Variants in GRK5 observed in about 807,000 individuals in gnomAD.
GRK5 encodes the protein g protein-coupled receptor kinase GRK5.
A neutral mutation model predicts 78.4 loss-of-function variants in GRK5; 40 were observed. That is an observed-to-expected ratio of 0.51 (90% CI 0.40 to 0.66). GRK5 has a LOEUF of 0.66. GRK5 is among the 30% of genes least tolerant of loss of function. The pLI is 0.00. For missense variants in GRK5, 598 were observed against 759.9 expected (o/e 0.79, Z 2.50); for synonymous variants, 289 against 296.8 (o/e 0.97, Z 0.27).
intron 2 of GRK5, among the ~76,000 whole-genome samples, chr10:119,341,206 G>A (rs540001231): frequency 2.0e-5 from 3 of 152,178 alleles, no homozygotes; most frequent in South Asian, 2.1e-4. Context: ...CCCTCCAGGC[G>A]CACCTACTTC....
rs774410093 is a variant in GRK5 at position 119,458,380 on chromosome 10, G to A, written c.*3313G>A. 2.6e-5 allele frequency: 4 copies of A among 152,304 alleles called. No individual in the cohort carries two copies. The highest frequency in any genetic ancestry group is 3.8e-4 in the East Asian group (2 of 5,196). 9.4% of individuals were successfully genotyped at this position (152,304 alleles called of 1,614,324 possible). A position where few individuals can be genotyped will look rare whatever the true frequency, so the allele number is the denominator to read the frequency against. ...CAAGAAGACCCGGTCCCCGCCTTGCGGACGATGCACTCACATGCCACAGCA... is the reference window on the plus strand; with the variant it reads ...CAAGAAGACCCGGTCCCCGCCTTGCAGACGATGCACTCACATGCCACAGCA... On this transcript the variant is annotated 3_prime_UTR_variant, in exon 16 of 16. Coordinates refer to ENST00000392870, the MANE Select transcript of GRK5 (RefSeq NM_005308.3).
At chr10:119,376,064 G>A (rs1051133066) in intron 2 of GRK5, among the ~76,000 whole-genome samples, 2 of 152,210 alleles carry the variant, frequency 1.3e-5, no homozygotes, top group East Asian at 3.8e-4. Context: ...TGGCCTGAGA[G>A]TCCAGCCCTT....
intron 1 of GRK5, among the ~76,000 whole-genome samples, chr10:119,316,625 A>G (rs1366517126): frequency 2.0e-5 from 3 of 152,206 alleles, no homozygotes; most frequent in South Asian, 2.1e-4. Context: ...TGACAATTAC[A>G]GTTCTATTGT....
intron 1 of GRK5, among the ~76,000 whole-genome samples, chr10:119,273,743 T>G (rs1589715652): frequency 6.6e-6 from 1 of 152,274 alleles, no homozygotes; most frequent in East Asian, 1.9e-4. Flanking sequence ...TTATTTCTTG[T>G]TGAGATTTTT....
chr10:119,348,432 G>A (rs1851135923), intron 2 of GRK5, among the ~76,000 whole-genome samples: 1 of 152,214 alleles, frequency 6.6e-6, no homozygotes. Context: ...ACGAAGGGGA[G>A]AAGAAGCTCC....
intron 2 of GRK5, among the ~76,000 whole-genome samples, chr10:119,348,934 C>T (rs945889386): frequency 6.6e-6 from 1 of 152,164 alleles, no homozygotes; most frequent in African/African-American, 2.4e-5. Context: ...CCTCGACCAC[C>T]ACAGGAGGGC....
chr10:119,255,578 A>G (rs1849268980), intron 1 of GRK5, among the ~76,000 whole-genome samples: 2 of 152,210 alleles, frequency 1.3e-5, no homozygotes, highest in Admixed American at 1.3e-4. Flanking sequence ...GTCATGGAGC[A>G]GGCACTGAGA....
In GRK5 at chr10:119,452,965, A is replaced by C; in HGVS notation, c.1542+157A>C. On this transcript the variant is annotated intron_variant, in intron 14 of 15. Coordinates refer to ENST00000392870, the MANE Select transcript of GRK5 (RefSeq NM_005308.3). This position sits in a 1 kb window ranked among gnomAD's most constrained non-coding sequence, Gnocchi z 4.4. ...ACACAAAAGCTGTCAGTGGCCAAGT[A>C]GGGAGCTGTAGCCACCACGGGCCAG... Among the ~76,000 whole-genome samples, 1 of 152,124 alleles carries C rather than the reference A, an allele frequency of 6.6e-6. No homozygotes were observed. Among genetic ancestry groups the C allele is most frequent in the East Asian group, 1.9e-4 (1 of 5,186 alleles).
At chr10:119,344,156 A>AT (rs573443475) in intron 2 of GRK5, among the ~76,000 whole-genome samples, 19 of 142,462 alleles carry the variant, frequency 1.3e-4, no homozygotes, top group Admixed American at 6.2e-4. Flanking sequence ...ATTTTATTTT[A>AT]TTTTTTTTCA....
Position 119,452,897 on chromosome 10 carries a change from A to C in GRK5, c.1542+89A>C. On this transcript the variant is annotated intron_variant, in intron 14 of 15. Coordinates refer to ENST00000392870, the MANE Select transcript of GRK5 (RefSeq NM_005308.3). The surrounding 1 kb of genome is among the most constrained non-coding windows in gnomAD (Gnocchi z 4.4). ...GCGTCGGGAATATGAGTTTGGCGGCAGGAGGCTGAGCGCATGGTTTCTGTT... is the reference window on the plus strand; with the variant it reads ...GCGTCGGGAATATGAGTTTGGCGGCCGGAGGCTGAGCGCATGGTTTCTGTT... 7.0e-7 allele frequency: 1 copy of C among 1,436,340 alleles called. No individual in the cohort carries two copies. Among genetic ancestry groups the C allele is most frequent in the Non-Finnish European group, 9.6e-7 (1 of 1,040,424 alleles). The allele number at this position is 1,436,340 out of a possible 1,614,324, so 89.0% of individuals were successfully genotyped here.
chr10:119,372,648 G>C (rs143065890), intron 2 of GRK5, among the ~76,000 whole-genome samples: 8 of 152,124 alleles, frequency 5.3e-5, no homozygotes, highest in African/African-American at 1.4e-4. Flanking sequence ...AACATCATCA[G>C]GACACTATTT....
rs1852808686 is a variant in GRK5 at position 119,431,135 on chromosome 10, G to A, written c.598-252G>A. On this transcript the variant is annotated intron_variant, in intron 7 of 15. Coordinates refer to ENST00000392870, the MANE Select transcript of GRK5 (RefSeq NM_005308.3). This position sits in a 1 kb window ranked among gnomAD's most constrained non-coding sequence, Gnocchi z 4.8. Reference sequence around the variant, plus strand: ...AGTTATCTAAGCCTTGGTGTGAGTGGCTCATTCTGCCCCTTCCAGGGCTGG... The same window carrying A: ...AGTTATCTAAGCCTTGGTGTGAGTGACTCATTCTGCCCCTTCCAGGGCTGG... Among the ~76,000 whole-genome samples, 1 of 152,184 alleles carries A rather than the reference G, an allele frequency of 6.6e-6. No individual in the cohort carries two copies. The highest frequency in any genetic ancestry group is 1.5e-5 in the Non-Finnish European group (1 of 68,038).
chr10:119,446,354 A>G (rs1853147836), intron 12 of GRK5, among the ~76,000 whole-genome samples: 1 of 152,144 alleles, frequency 6.6e-6, no homozygotes, highest in Non-Finnish European at 1.5e-5. Flanking sequence ...AAATGAGGAG[A>G]TTTCATGTAA....
intron 1 of GRK5, among the ~76,000 whole-genome samples, chr10:119,220,969 C>T (rs1054694885): frequency 6.6e-6 from 1 of 152,138 alleles, no homozygotes; most frequent in African/African-American, 2.4e-5. Flanking sequence ...GCCTGGCCAA[C>T]ATGGCAAAAC....
At chr10:119,301,773 G>C (rs763741540) in intron 1 of GRK5, among the ~76,000 whole-genome samples, 2 of 152,284 alleles carry the variant, frequency 1.3e-5, no homozygotes, top group Non-Finnish European at 2.9e-5. Context: ...TCTGATCCCT[G>C]AACAGCAAAC....
At chr10:119,324,898 C>T (rs1306551099) in intron 1 of GRK5, among the ~76,000 whole-genome samples, 1 of 152,246 alleles carries the variant, frequency 6.6e-6, no homozygotes, top group Admixed American at 6.5e-5. Context: ...GCCGCCTCAC[C>T]ACGGCAGGTG....
At chr10:119,282,621 T>C (rs1004428450) in intron 1 of GRK5, among the ~76,000 whole-genome samples, 2 of 152,252 alleles carry the variant, frequency 1.3e-5, no homozygotes, top group African/African-American at 4.8e-5. Context: ...CAAGGCCCCC[T>C]GTGGGTCCAG....
At chr10:119,214,899 A>C (rs766477135) in intron 1 of GRK5, among the ~76,000 whole-genome samples, 1 of 152,230 alleles carries the variant, frequency 6.6e-6, no homozygotes, top group Non-Finnish European at 1.5e-5. Context: ...TGGTTGAGGA[A>C]TGACAAGATC....
chr10:119,284,555 T>A (rs2133693913), intron 1 of GRK5, among the ~76,000 whole-genome samples: 1 of 152,332 alleles, frequency 6.6e-6, no homozygotes, highest in East Asian at 1.9e-4. Context: ...TTATCTTACC[T>A]CAGAGCACCT....
Sources: gnomAD v4.1 joint callset for allele counts (sites outside exome capture counted in the v4.1 genomes callset) on GRCh38, gnomAD v4.1.1 for gene constraint, Gnocchi (gnomAD v3.1) non-coding constraint, MANE v1.5 for transcripts, NCBI Gene and HGNC (gene_info 2026-07-23, HGNC 2026-07-21) for gene names.